Variants in LRIF1 observed in about 807,000 individuals in gnomAD.
LRIF1 encodes the protein ligand-dependent nuclear receptor-interacting factor 1.
In LRIF1, 32 loss-of-function variants were observed where a neutral mutation model predicts 52.7. The observed-to-expected ratio is 0.61, with a 90% CI of 0.46 to 0.82. The LOEUF is 0.82. LRIF1 is among the 40% of genes least tolerant of loss of function. The pLI, the probability that LRIF1 is intolerant of heterozygous loss-of-function variation, is 0.00. For missense variants in LRIF1, 887 were observed against 892.0 expected (o/e 0.99, Z 0.07); for synonymous variants, 323 against 317.4 (o/e 1.02, Z -0.19).
chr1:110,901,017 TC>T, the LRIF1 span, among the ~76,000 whole-genome samples: 1 of 152,294 alleles, frequency 6.6e-6, no homozygotes, highest in Non-Finnish European at 1.5e-5. Context: ...TGGTTTCTGT[TC>T]CTGAAGTTTT....
the LRIF1 span, chr1:110,897,968 A>G: frequency 1.3e-6 from 1 of 775,496 alleles, no homozygotes. Flanking sequence ...AATACCAGGT[A>G]CACAGTATTT....
the LRIF1 span, among the ~76,000 whole-genome samples, chr1:110,882,479 AT>A: frequency 6.6e-6 from 1 of 151,952 alleles, no homozygotes; most frequent in Non-Finnish European, 1.5e-5. Context: ...TTGTAGTTTT[AT>A]AGAAAGCAAT....
chr1:110,920,794 TA>T, the LRIF1 span, among the ~76,000 whole-genome samples: 1 of 152,178 alleles, frequency 6.6e-6, no homozygotes, highest in African/African-American at 2.4e-5. Context: ...AAAAGGCATA[TA>T]TAGAAAATTC....
At chr1:110,901,477 C>CCT in the LRIF1 span, among the ~76,000 whole-genome samples, 29 of 115,882 alleles carry the variant, frequency 2.5e-4, no homozygotes, top group South Asian at 9.0e-4. Flanking sequence ...CGCACCCGGC[C>CCT]TTTTTTTTTT....
At chr1:110,933,994 C>T in the LRIF1 span, among the ~76,000 whole-genome samples, 1 of 152,104 alleles carries the variant, frequency 6.6e-6, no homozygotes, top group South Asian at 2.1e-4. Flanking sequence ...ATCTTGTATA[C>T]CAGCTCAGCC....
chr1:110,886,683 T>C, the LRIF1 span, among the ~76,000 whole-genome samples: 1 of 151,924 alleles, frequency 6.6e-6, no homozygotes, highest in South Asian at 2.1e-4. Flanking sequence ...ACCCTGTCTC[T>C]ACTAAAAATA....
downstream of LRIF1, chr1:110,944,902 T>TTG (rs1450493340): frequency 6.6e-6 from 1 of 151,750 alleles, no homozygotes; most frequent in African/African-American, 2.4e-5. Context: ...TGCTGTTTTT[T>TTG]TTTTTTTTTT....
intron 1 of LRIF1, chr1:110,963,407 C>G: frequency 2.7e-6 from 1 of 368,262 alleles, no homozygotes; most frequent in Non-Finnish European, 5.1e-6. Context: ...CCCGCGGAGC[C>G]GCTGTGTCAG....
the LRIF1 span, chr1:110,892,592 G>T: frequency 1.2e-5 from 17 of 1,368,970 alleles, no homozygotes; most frequent in Non-Finnish European, 1.6e-5. Context: ...TAAATCCCAG[G>T]CAAGATGTTT....
chr1:110,894,324 C>T, the LRIF1 span: 1 of 1,613,756 alleles, frequency 6.2e-7, no homozygotes, highest in Non-Finnish European at 8.5e-7. Context: ...TGCTTTGTCC[C>T]AGTTCTTCAT....
At chr1:110,940,727 CACAG>C in the LRIF1 span, 2 of 152,040 alleles carry the variant, frequency 1.3e-5, no homozygotes, top group Non-Finnish European at 2.9e-5. Flanking sequence ...ATAAGCCAGA[CACAG>C]AAAGACAAAC....
At chr1:110,889,980 T>C in the LRIF1 span, among the ~76,000 whole-genome samples, 4 of 152,150 alleles carry the variant, frequency 2.6e-5, no homozygotes, top group Admixed American at 1.3e-4. Flanking sequence ...GGATATGAGA[T>C]AGATACAAGT....
At chr1:110,906,664 G>A in the LRIF1 span, among the ~76,000 whole-genome samples, 1 of 152,244 alleles carries the variant, frequency 6.6e-6, no homozygotes, top group East Asian at 1.9e-4. Flanking sequence ...AAAGAAGAGA[G>A]CTATATCCTG....
At chr1:110,949,175 T>C (rs928168658) in intron 3 of LRIF1, among the ~76,000 whole-genome samples, 33 of 152,032 alleles carry the variant, frequency 2.2e-4, no homozygotes, top group African/African-American at 7.7e-4. Context: ...TGGAGTGCAG[T>C]GGTGCGATCT....
chr1:110,900,490 C>T, the LRIF1 span, among the ~76,000 whole-genome samples: 1 of 152,134 alleles, frequency 6.6e-6, no homozygotes, highest in Non-Finnish European at 1.5e-5. Context: ...CTTCAGCCTC[C>T]TGACTGGGAC....
At chr1:110,881,846 A>T in the LRIF1 span, among the ~76,000 whole-genome samples, 1 of 152,118 alleles carries the variant, frequency 6.6e-6, no homozygotes, top group Non-Finnish European at 1.5e-5. Context: ...TTTAATTTGC[A>T]TTTCCTTAAT....
chr1:110,903,793 G>A, the LRIF1 span, among the ~76,000 whole-genome samples: 2 of 152,096 alleles, frequency 1.3e-5, no homozygotes, highest in African/African-American at 4.8e-5. Flanking sequence ...TACCAGCATG[G>A]GCACAGGGGA....
chr1:110,885,795 C>T, the LRIF1 span, among the ~76,000 whole-genome samples: 9 of 151,224 alleles, frequency 6.0e-5, no homozygotes, highest in Non-Finnish European at 1.3e-4. Flanking sequence ...ACCTGAGAGG[C>T]GGAGGTTGCA....
In LRIF1 at chr1:110,951,300, G is replaced by T. The variant is rs1268730499; in HGVS notation, c.1584C>A (p.Asp528Glu). ...ATGGGAAAATTACCTTTGGTTCTTG[G>T]TCTCTGAAAACACACTGTTGTGAAG... ...TVTSQQCVFR[D>E]QEPKIHNEMA... The change falls in exon 2 of 4, where the codon GAC becomes GAA. Residue 528 changes from aspartate to glutamate, a missense_variant. Transcript: ENST00000369763. 3.1e-6 allele frequency: 5 copies of T among 1,609,438 alleles called. No homozygotes were observed. The highest frequency in any genetic ancestry group is 4.2e-6 in the Non-Finnish European group (5 of 1,178,098).
Sources: allele counts gnomAD v4.1 joint callset (sites outside exome capture counted in the v4.1 genomes callset), GRCh38; gene constraint gnomAD v4.1.1; transcripts MANE v1.5; gene names NCBI Gene and HGNC (gene_info 2026-07-23, HGNC 2026-07-21).